The following SCUBE1 variants were observed in gnomAD, a reference collection of about 807,000 sequenced individuals.
The protein encoded by SCUBE1 is signal peptide, CUB and EGF-like domain-containing protein 1.
Under a neutral mutation model 124.4 loss-of-function variants are expected in SCUBE1, and 59 were observed. The ratio of observed to expected loss-of-function variants is 0.47; its 90% CI spans 0.38 to 0.59. The LOEUF is 0.59. Among genes scored for constraint, SCUBE1 ranks in the 20% least tolerant of loss-of-function variants. SCUBE1 has a pLI of 0.00. For missense variants in SCUBE1, 1,150 were observed against 1,371.2 expected (o/e 0.84, Z 2.55); for synonymous variants, 545 against 550.9 (o/e 0.99, Z 0.15).
At chr22:43,289,136 C>T (rs1369673439) in intron 4 of SCUBE1, among the ~76,000 whole-genome samples, 1 of 152,234 alleles carries the variant, frequency 6.6e-6, no homozygotes, top group Non-Finnish European at 1.5e-5. Context: ...AAAGGAGGCT[C>T]ACGCCACCCT....
chr22:43,200,574 ACCATCCCGCCCTGAGGC>A lies in SCUBE1; in HGVS notation c.*3406_*3422del, dbSNP rs1266927976. On this transcript the variant is annotated 3_prime_UTR_variant, in exon 22 of 22. Coordinates refer to ENST00000360835, the MANE Select transcript of SCUBE1 (RefSeq NM_173050.5). ...TGCTGTCCACGGAGCTCACCTTGGG[ACCATCCCGCCCTGAGGC>A]CCAGGGTCAGCTGTAGTTTAACGGG... The A allele has an allele frequency of 6.6e-6, 1 of 152,356 alleles. No homozygotes were observed. The highest frequency in any genetic ancestry group is 2.4e-5 in the African/African-American group (1 of 41,464). The allele number at this position is 152,356 out of a possible 1,614,324, so 9.4% of individuals were successfully genotyped here.
At chr22:43,243,981 C>T (rs1016444078) in intron 6 of SCUBE1, among the ~76,000 whole-genome samples, 2 of 152,176 alleles carry the variant, frequency 1.3e-5, no homozygotes, top group Non-Finnish European at 2.9e-5. Flanking sequence ...TTGGACACAG[C>T]CACTGGTCTT....
At chr22:43,289,833 G>C (rs769460639) in intron 4 of SCUBE1, among the ~76,000 whole-genome samples, 15 of 152,194 alleles carry the variant, frequency 9.9e-5, no homozygotes, top group Admixed American at 2.6e-4. Context: ...CACAGGGTCC[G>C]GCTGGCCTGG....
At position 43,231,854 on chromosome 22, in the gene SCUBE1, T is replaced by C. The variant is rs1922566135; in HGVS notation, c.866A>G (p.Asn289Ser). The change falls in exon 8 of 22, where the codon AAC (asparagine) becomes AGC (serine). Residue 289 changes from asparagine (N) to serine (S), a missense_variant. Transcript: ENST00000360835. ...GCAGAAGTGGTCGCAGCCTCCGTTG[T>C]TGACCAGGCACTCGTTGATGTCTGT... ...TCKDINECLV[N>S]NGGCDHFCRN... 9 of 1,613,556 alleles carry C rather than the reference T, an allele frequency of 5.6e-6. No individual in the cohort carries two copies. The highest frequency in any genetic ancestry group is 2.2e-5 in the South Asian group (2 of 91,080).
At chr22:43,229,299 G>GGGCGCA in intron 8 of SCUBE1, 111 bp from the exon 9 acceptor site, 1 of 783,094 alleles carries the variant, frequency 1.3e-6, no homozygotes, top group Non-Finnish European at 2.2e-6. Context: ...CACAGTCCCT[G>GGGCGCA]GGCGCAGGCG....
At chr22:43,263,903 C>T (rs971421008) in intron 4 of SCUBE1, among the ~76,000 whole-genome samples, 3 of 152,312 alleles carry the variant, frequency 2.0e-5, no homozygotes, top group Admixed American at 6.5e-5. Flanking sequence ...TGCTGCTGCC[C>T]TGCACAGAAG....
intron 6 of SCUBE1, among the ~76,000 whole-genome samples, chr22:43,257,418 T>A (rs373903659): frequency 6.6e-6 from 1 of 152,184 alleles, no homozygotes; most frequent in Non-Finnish European, 1.5e-5. Flanking sequence ...AGTTAAAAAA[T>A]GTGCTGCTAT....
chr22:43,209,830 C>T (rs1921463762), intron 19 of SCUBE1, among the ~76,000 whole-genome samples: 1 of 152,228 alleles, frequency 6.6e-6, no homozygotes, highest in African/African-American at 2.4e-5. Flanking sequence ...CTAAGCTCTC[C>T]AGATCTTTCC....
chr22:43,288,905 C>T lies in SCUBE1; in HGVS notation c.484+2141G>A, dbSNP rs947411107. Among the ~76,000 whole-genome samples, 16 of 152,380 alleles carry T rather than the reference C, an allele frequency of 1.1e-4. No individual in the cohort carries two copies. The East Asian group carries it at 3.1e-3, about 29-fold the overall frequency. ...GCCCCTGCTGTCGCTGCTCCCACGT[C>T]ATCCCCTCCCCAACCCCAGTCCTGT... is the stretch of plus-strand genomic sequence containing the variant. On this transcript the variant is annotated intron_variant, in intron 4 of 21. Coordinates refer to ENST00000360835, the MANE Select transcript of SCUBE1 (RefSeq NM_173050.5).
At chr22:43,333,635 G>A (rs1285702747) in intron 2 of SCUBE1, among the ~76,000 whole-genome samples, 2 of 152,170 alleles carry the variant, frequency 1.3e-5, no homozygotes, top group Non-Finnish European at 2.9e-5. Flanking sequence ...AGTACATTTC[G>A]GGCACTGATT....
intron 3 of SCUBE1, among the ~76,000 whole-genome samples, chr22:43,317,964 T>G (rs764129983): frequency 1.3e-5 from 2 of 152,154 alleles, no homozygotes; most frequent in South Asian, 4.1e-4. Flanking sequence ...GGATGCCATC[T>G]ATAAGCCAAG....
At chr22:43,292,584 C>CACACACAT (rs1569016686) in intron 3 of SCUBE1, among the ~76,000 whole-genome samples, 1 of 152,022 alleles carries the variant, frequency 6.6e-6, no homozygotes, top group Non-Finnish European at 1.5e-5. Context: ...CACACACACA[C>CACACACAT]ACACACACAC....
At chr22:43,300,096 G>C (rs1336682723) in intron 3 of SCUBE1, among the ~76,000 whole-genome samples, 3 of 152,204 alleles carry the variant, frequency 2.0e-5, no homozygotes, top group Non-Finnish European at 4.4e-5. Context: ...CTGTGTGTAA[G>C]TTTTCGTGGG....
At chr22:43,277,884 C>T (rs920228603) in intron 4 of SCUBE1, among the ~76,000 whole-genome samples, 14 of 152,366 alleles carry the variant, frequency 9.2e-5, no homozygotes, top group Middle Eastern at 3.4e-3. Context: ...CAGAGAAGGA[C>T]GCCAGGGCTG....
chr22:43,298,713 T>G (rs1925654498), intron 3 of SCUBE1, among the ~76,000 whole-genome samples: 1 of 152,180 alleles, frequency 6.6e-6, no homozygotes, highest in Admixed American at 6.5e-5. Flanking sequence ...CCACTGCCCA[T>G]GGGACCTGGC....
rs34927467 is a variant in SCUBE1 at position 43,341,081 on chromosome 22, GCACA to G, written c.89-1850_89-1847del. On this transcript the variant is annotated intron_variant, in intron 1 of 21. Coordinates refer to ENST00000360835, the MANE Select transcript of SCUBE1 (RefSeq NM_173050.5). ...AGAAACACAACAGCATGACCCCCCTGCACACACACACACACACACATGCATGCAC... is the reference window on the plus strand; with the variant it reads ...AGAAACACAACAGCATGACCCCCCTGCACACACACACACACATGCATGCAC... 4.8e-3 allele frequency among the ~76,000 whole-genome samples: 684 copies of G among 142,438 alleles called. 6 individuals carry two copies. The highest frequency in any genetic ancestry group is 0.017 in the African/African-American group (654 of 38,818). The allele number at this position is 142,438 out of a possible 152,430, so 93.4% of individuals were successfully genotyped here.
intron 7 of SCUBE1, among the ~76,000 whole-genome samples, chr22:43,233,865 G>C (rs541263200): frequency 6.0e-4 from 91 of 152,188 alleles, no homozygotes; most frequent in African/African-American, 2.1e-3. Flanking sequence ...GAGGAGTGCA[G>C]GGCTGGATGC....
At chr22:43,223,075 T>A (rs933254032) in intron 11 of SCUBE1, 22 bp downstream of exon 11, 1 of 1,511,792 alleles carries the variant, frequency 6.6e-7, no homozygotes, top group Non-Finnish European at 8.8e-7. Flanking sequence ...CAGCATCCCA[T>A]CTCAGGGACG....
rs41277519 is a variant in SCUBE1 at position 43,204,361 on chromosome 22, C to T, written c.2815-212G>A. Among the ~76,000 whole-genome samples, 301 of 152,088 alleles carry T rather than the reference C, an allele frequency of 2.0e-3. 2 individuals carry two copies. The highest frequency in any genetic ancestry group is 3.9e-3 in the Admixed American group (59 of 15,288). On this transcript the variant is annotated intron_variant, in intron 21 of 21. Coordinates refer to ENST00000360835, the MANE Select transcript of SCUBE1 (RefSeq NM_173050.5). ...TGTCACCCAGGCTGGAGTGCAGTGGCGGGATCTTGGGTCACTGCACCTCGC... is the reference window on the plus strand; with the variant it reads ...TGTCACCCAGGCTGGAGTGCAGTGGTGGGATCTTGGGTCACTGCACCTCGC...
Sources: gnomAD v4.1 joint callset for allele counts (sites outside exome capture counted in the v4.1 genomes callset) on GRCh38, gnomAD v4.1.1 for gene constraint, MANE v1.5 for transcripts, NCBI Gene and HGNC (gene_info 2026-07-23, HGNC 2026-07-21) for gene names.